PID1: variants seen among roughly 807,000 people sequenced by gnomAD.
PID1 encodes PTB-containing, cubilin and LRP1-interacting protein.
PID1 carries 10 observed loss-of-function variants against 19.1 expected under a neutral mutation model. The ratio of observed to expected loss-of-function variants is 0.52; its 90% CI spans 0.32 to 0.89. The LOEUF is 0.89. Among genes scored for constraint, PID1 ranks in the 40% least tolerant of loss-of-function variants. The pLI, the probability that PID1 is intolerant of heterozygous loss-of-function variation, is 0.03. For synonymous variants in PID1, 130 were observed against 116.0 expected (o/e 1.12, Z -0.78); for missense variants, 248 against 285.3 (o/e 0.87, Z 0.94).
intron 2 of PID1, among the ~76,000 whole-genome samples, chr2:229,028,527 T>C (rs555605899): frequency 6.6e-6 from 1 of 152,356 alleles, no homozygotes; most frequent in African/African-American, 2.4e-5. Context: ...GCAAGTCATA[T>C]ATGTAATAAG....
intron 2 of PID1, among the ~76,000 whole-genome samples, chr2:229,142,523 C>G (rs1690037231): frequency 6.6e-6 from 1 of 152,084 alleles, no homozygotes; most frequent in Admixed American, 6.6e-5. Context: ...TTAGAAAGCC[C>G]ACTGACTCTA....
intron 1 of PID1, among the ~76,000 whole-genome samples, chr2:229,156,306 T>C (rs1388867907): frequency 6.6e-6 from 1 of 152,206 alleles, no homozygotes; most frequent in Non-Finnish European, 1.5e-5. Flanking sequence ...ACATAAGATG[T>C]TTGGAAGAGG....
chr2:229,042,299 T>C (rs1489455885), intron 2 of PID1, among the ~76,000 whole-genome samples: 1 of 152,204 alleles, frequency 6.6e-6, no homozygotes, highest in Non-Finnish European at 1.5e-5. Flanking sequence ...TTCAACTTCT[T>C]TTGTTAAAAT....
rs533251757 is a variant in PID1, at chr2:229,045,961, C to T, written c.178-19853G>A. 5.3e-5 allele frequency among the ~76,000 whole-genome samples: 8 copies of T among 152,270 alleles called. No homozygotes were observed. In the South Asian group the frequency reaches 6.2e-4, roughly 12 times the overall value. ...GCTCACTCTGTGACAGGAAGGCCTC[C>T]GCTGCCTGCCTTAAGTGCCACAGCC... On this transcript the variant is annotated intron_variant, in intron 2 of 2. Coordinates refer to ENST00000392055, the MANE Select transcript of PID1 (RefSeq NM_001100818.2).
rs1319033110 is a variant in PID1, at chr2:229,260,816, C to CTTTTTT, written c.30+10197_30+10198insAAAAAA. 2.5e-5 allele frequency among the ~76,000 whole-genome samples: 3 copies of CTTTTTT among 121,188 alleles called. 1 individual carries two copies. The highest frequency in any genetic ancestry group is 2.9e-5 in the African/African-American group (1 of 34,002). The allele number at this position is 121,188 out of a possible 152,430, so 79.5% of individuals were successfully genotyped here. A position where few individuals can be genotyped will look rare whatever the true frequency, so the allele number is the denominator to read the frequency against. On this transcript the variant is annotated intron_variant, in intron 1 of 2. Transcript: ENST00000392055. Reference sequence around the variant, plus strand: ...CAGATGTAGAGAAAATTCTGATTGCCATTTTTTTTTTTTTTTTTTTTTTGG... The same window carrying CTTTTTT: ...CAGATGTAGAGAAAATTCTGATTGCCTTTTTTATTTTTTTTTTTTTTTTTTTTTTGG...
chr2:229,035,203 G>A (rs1039383867), intron 2 of PID1, among the ~76,000 whole-genome samples: 1 of 152,122 alleles, frequency 6.6e-6, no homozygotes, highest in Non-Finnish European at 1.5e-5. Flanking sequence ...TACGAATAAA[G>A]CAGATTACCC....
chr2:229,047,249 A>C (rs2106180459), intron 2 of PID1, among the ~76,000 whole-genome samples: 1 of 152,254 alleles, frequency 6.6e-6, no homozygotes, highest in African/African-American at 2.4e-5. Context: ...TCAACCCTGG[A>C]AAGGGCTCCT....
At chr2:229,214,134 T>C (rs1044811884) in intron 1 of PID1, among the ~76,000 whole-genome samples, 5 of 152,200 alleles carry the variant, frequency 3.3e-5, no homozygotes, top group African/African-American at 4.8e-5. Flanking sequence ...GTTTGTTAGG[T>C]AGCATAACTT....
intron 2 of PID1, among the ~76,000 whole-genome samples, chr2:229,056,849 C>T (rs1694112923): frequency 6.6e-6 from 1 of 152,008 alleles, no homozygotes; most frequent in Non-Finnish European, 1.5e-5. Flanking sequence ...TTCATATTTC[C>T]TGATTTTTCA....
At chr2:229,163,678 T>C (rs145910467) in intron 1 of PID1, among the ~76,000 whole-genome samples, 4,587 of 80,030 alleles carry the variant, frequency 0.057, 194 homozygotes, top group African/African-American at 0.12. Flanking sequence ...TGTGTGTGCG[T>C]GTGCGTGTGT....
At chr2:229,053,620 A>G (rs1361167049) in intron 2 of PID1, among the ~76,000 whole-genome samples, 1 of 152,224 alleles carries the variant, frequency 6.6e-6, no homozygotes, top group Non-Finnish European at 1.5e-5. Context: ...CTTGGCCTGC[A>G]TGGAGTTCCC....
intron 2 of PID1, 94 bp downstream of exon 2, chr2:229,155,723 TA>T: frequency 8.8e-7 from 1 of 1,136,428 alleles, no homozygotes; most frequent in Non-Finnish European, 1.2e-6. Context: ...TTTTCATTCT[TA>T]AAAATGATTA....
chr2:229,193,859 C>T (rs1158084017), intron 1 of PID1, among the ~76,000 whole-genome samples: 1 of 151,056 alleles, frequency 6.6e-6, no homozygotes, highest in Non-Finnish European at 1.5e-5. Context: ...GTAAAATTTG[C>T]TCCCAGCCAA....
At chr2:229,260,995 G>A (rs1215660854) in intron 1 of PID1, among the ~76,000 whole-genome samples, 1 of 151,970 alleles carries the variant, frequency 6.6e-6, no homozygotes, top group Non-Finnish European at 1.5e-5. Flanking sequence ...GGTCAGTAAG[G>A]TGGGCTCAAC....
chr2:229,210,525 CA>C (rs1170895327), intron 1 of PID1, among the ~76,000 whole-genome samples: 435 of 15,512 alleles, frequency 0.028, no homozygotes, highest in African/African-American at 0.11. Context: ...AGTTTTGTCT[CA>C]AAAAAAAAAA....
intron 2 of PID1, among the ~76,000 whole-genome samples, chr2:229,066,620 T>G (rs578125072): frequency 9.9e-5 from 15 of 152,256 alleles, no homozygotes; most frequent in Non-Finnish European, 1.9e-4. Context: ...TGGGCTGGAT[T>G]TGAAAATACT....
intron 1 of PID1, among the ~76,000 whole-genome samples, chr2:229,179,475 AAG>A (rs1460135435): frequency 3.3e-5 from 5 of 152,332 alleles, no homozygotes; most frequent in South Asian, 2.1e-4. Flanking sequence ...ACCAAAAAGA[AAG>A]AGAGAATTTG....
intron 2 of PID1, among the ~76,000 whole-genome samples, chr2:229,094,834 A>G (rs1439046734): frequency 6.6e-6 from 1 of 152,170 alleles, no homozygotes; most frequent in Non-Finnish European, 1.5e-5. Flanking sequence ...TACAAGATCT[A>G]TAAGAAACTC....
chr2:229,242,278 A>T (rs1689889362), intron 1 of PID1, among the ~76,000 whole-genome samples: 1 of 152,196 alleles, frequency 6.6e-6, no homozygotes, highest in South Asian at 2.1e-4. Flanking sequence ...GCCTAATTAG[A>T]GGCCAGCTAA....
Sources: gnomAD v4.1 joint callset for allele counts (sites outside exome capture counted in the v4.1 genomes callset) on GRCh38, gnomAD v4.1.1 for gene constraint, MANE v1.5 for transcripts, NCBI Gene and HGNC (gene_info 2026-07-23, HGNC 2026-07-21) for gene names.